Variants in AKAP9 observed in about 807,000 individuals in gnomAD.
The protein encoded by AKAP9 is A-kinase anchor protein 9.
AKAP9 carries 311 observed loss-of-function variants against 488.5 expected under a neutral mutation model. That is an observed-to-expected ratio of 0.64 (90% CI 0.58 to 0.70). The LOEUF (loss-of-function observed/expected upper bound fraction) is 0.70, where lower values mean the gene tolerates loss of function less well. Ranked by LOEUF, AKAP9 falls within the 30% of genes least tolerant of loss-of-function variation. The pLI is 0.00. For synonymous variants in AKAP9, 1,462 were observed against 1,483.5 expected (o/e 0.99, Z 0.33); for missense variants, 4,215 against 4,374.5 (o/e 0.96, Z 1.03).
intron 8 of AKAP9, among the ~76,000 whole-genome samples, chr7:92,009,508 A>G (rs537356155): frequency 6.6e-6 from 1 of 152,328 alleles, no homozygotes; most frequent in East Asian, 1.9e-4. Flanking sequence ...AACCAGAAAT[A>G]TTAGACTGAG....
chr7:92,036,548 A>G (rs1342991332), intron 16 of AKAP9, among the ~76,000 whole-genome samples: 1 of 152,126 alleles, frequency 6.6e-6, no homozygotes, highest in Non-Finnish European at 1.5e-5. Context: ...ATTCTCAGCC[A>G]TTATCTCGTG....
intron 8 of AKAP9, 107 bp downstream of exon 8, chr7:92,003,342 A>G (rs748674801): frequency 6.0e-6 from 5 of 835,956 alleles, no homozygotes; most frequent in Non-Finnish European, 9.3e-6. Context: ...CAAGAGAATG[A>G]AAATGAACCC....
rs377264390 is a variant in AKAP9 at position 92,045,126 on chromosome 7, A to G, written c.5281A>G (p.Ser1761Gly). Residue 1761 changes from serine to glycine, a missense_variant, in exon 21 of 50, where the codon AGT (serine) becomes GGT (glycine). Physicochemically the swap from Ser to Gly is moderately conservative, Grantham distance 56 (BLOSUM62 0). Coordinates refer to ENST00000356239, the MANE Select transcript of AKAP9 (RefSeq NM_005751.5). ...TGTCCTTGGGATTCTAGATAGATCT[A>G]GTAAAAGCCAGTCATCTGCCAGCCT... is the stretch of plus-strand genomic sequence containing the variant. ...RHVLGILDRS[S>G]KSQSSASLIW... 7 of 1,613,738 alleles carry G rather than the reference A, an allele frequency of 4.3e-6. No individual in the cohort carries two copies. Among genetic ancestry groups the G allele is most frequent in the Middle Eastern group, 1.6e-4 (1 of 6,084 alleles).
At chr7:91,979,967 C>T (rs1796179894) in intron 2 of AKAP9, among the ~76,000 whole-genome samples, 1 of 152,022 alleles carries the variant, frequency 6.6e-6, no homozygotes, top group South Asian at 2.1e-4. Flanking sequence ...AAAGAGGGGG[C>T]TACTGTATGA....
intron 2 of AKAP9, among the ~76,000 whole-genome samples, chr7:91,979,613 A>G (rs1796137062): frequency 1.3e-5 from 2 of 152,230 alleles, no homozygotes; most frequent in African/African-American, 4.8e-5. Context: ...TATACTTATG[A>G]TAAAGTTTAA....
intron 2 of AKAP9, among the ~76,000 whole-genome samples, chr7:91,978,679 T>A (rs1796005292): frequency 6.6e-6 from 1 of 152,114 alleles, no homozygotes; most frequent in Admixed American, 6.5e-5. Flanking sequence ...CTTTAGTTAT[T>A]ACTTTTTTTA....
rs1047256359 is a variant in AKAP9, at chr7:92,005,736, G to A, written c.3318+2501G>A. Among the ~76,000 whole-genome samples, 8 of 152,288 alleles carry A rather than the reference G, an allele frequency of 5.3e-5. No individual in the cohort carries two copies. In the East Asian group the frequency reaches 7.7e-4, roughly 15 times the overall value. ...GCTGGAGTGCAGTGGCGTGATCTCAGCTCACTACAACCTCCGCCTCCCGGG... is the reference window on the plus strand; with the variant it reads ...GCTGGAGTGCAGTGGCGTGATCTCAACTCACTACAACCTCCGCCTCCCGGG... On this transcript the variant is annotated intron_variant, in intron 8 of 49. Coordinates refer to ENST00000356239, the MANE Select transcript of AKAP9 (RefSeq NM_005751.5).
chr7:92,016,001 G>C, intron 10 of AKAP9, 128 bp from the exon 11 acceptor site: 1 of 696,968 alleles, frequency 1.4e-6, no homozygotes, highest in Non-Finnish European at 2.4e-6. Context: ...AGGGTATGGA[G>C]AGAATGTTTT....
intron 8 of AKAP9, among the ~76,000 whole-genome samples, chr7:92,008,775 A>G (rs1258938230): frequency 6.6e-6 from 1 of 152,086 alleles, no homozygotes; most frequent in Non-Finnish European, 1.5e-5. Context: ...TCACGAGGTC[A>G]GGAGATCAAG....
chr7:92,020,442 C>T (rs1487840735), intron 12 of AKAP9, among the ~76,000 whole-genome samples: 1 of 152,120 alleles, frequency 6.6e-6, no homozygotes, highest in Non-Finnish European at 1.5e-5. Context: ...TAGGCTTAGG[C>T]ATTTCTTCCT....
chr7:92,106,170 T>TA (rs1818481993), intron 47 of AKAP9, among the ~76,000 whole-genome samples: 1 of 152,220 alleles, frequency 6.6e-6, no homozygotes, highest in Admixed American at 6.5e-5. Context: ...GTGTAATACT[T>TA]ACCAAGTAAT....
At chr7:91,961,813 C>T (rs925391890) in intron 1 of AKAP9, among the ~76,000 whole-genome samples, 10 of 151,504 alleles carry the variant, frequency 6.6e-5, no homozygotes, top group African/African-American at 1.9e-4. Context: ...CACTGCACTC[C>T]AGCCTGGGCA....
chr7:91,971,630 C>T (rs1268315949), intron 1 of AKAP9, among the ~76,000 whole-genome samples: 7 of 136,764 alleles, frequency 5.1e-5, no homozygotes, highest in East Asian at 2.2e-4. Context: ...TGCAGTGGCG[C>T]GATTTCAGCT....
chr7:92,026,753 C>G (rs901157844), intron 14 of AKAP9, among the ~76,000 whole-genome samples: 2 of 152,120 alleles, frequency 1.3e-5, no homozygotes, highest in African/African-American at 4.8e-5. Flanking sequence ...CCGGCCACCA[C>G]CCCGTCTAGG....
intron 17 of AKAP9, among the ~76,000 whole-genome samples, chr7:92,039,595 T>A (rs12537314): frequency 0.017 from 2,543 of 152,342 alleles, 77 homozygotes; most frequent in East Asian, 0.085. Flanking sequence ...TAATAAATCC[T>A]ACTTCTTTTA....
chr7:92,049,884 C>A (rs1466157884), intron 21 of AKAP9, among the ~76,000 whole-genome samples: 1 of 151,962 alleles, frequency 6.6e-6, no homozygotes, highest in Non-Finnish European at 1.5e-5. Context: ...TTTCACGCAC[C>A]CTCTTTATTT....
At chr7:92,034,480 C>A (rs1421164585) in intron 16 of AKAP9, among the ~76,000 whole-genome samples, 20 of 109,872 alleles carry the variant, frequency 1.8e-4, no homozygotes, top group African/African-American at 4.4e-4. Flanking sequence ...GTGTATATAT[C>A]TATATATATA....
chr7:92,003,029 GTAAA>G lies in AKAP9; in HGVS notation c.3117_3120del (p.Asn1039LysfsTer9). 2 of 1,613,352 alleles carry G rather than the reference GTAAA, an allele frequency of 1.2e-6. No homozygotes were observed. On this transcript the variant is annotated frameshift_variant, in exon 8 of 50. Transcript: ENST00000356239. LOFTEE classifies it high-confidence loss of function. ...GGGTGCTGAAGGATCAGTTTCTAAAGTAAATAAAAGTTTTGGTGAAGAATCAAAA... is the reference window on the plus strand; with the variant it reads ...GGGTGCTGAAGGATCAGTTTCTAAAGTAAAAGTTTTGGTGAAGAATCAAAA...
chr7:92,022,112 T>C (rs372933675), intron 12 of AKAP9, 126 bp from the exon 13 acceptor site: 2 of 736,608 alleles, frequency 2.7e-6, no homozygotes, highest in South Asian at 2.9e-5. Context: ...AAAATGCTTG[T>C]ATTAGAGTGC....
Sources: gnomAD v4.1 joint callset for allele counts (sites outside exome capture counted in the v4.1 genomes callset) on GRCh38, gnomAD v4.1.1 for gene constraint, MANE v1.5 for transcripts, NCBI Gene and HGNC (gene_info 2026-07-23, HGNC 2026-07-21) for gene names.